The following NUP210L variants were observed in gnomAD, a reference collection of about 807,000 sequenced individuals.
NUP210L encodes the protein nuclear pore membrane glycoprotein 210-like.
NUP210L carries 74 observed loss-of-function variants against 208.5 expected under a neutral mutation model. The ratio of observed to expected loss-of-function variants is 0.35; its 90% confidence interval spans 0.29 to 0.43. NUP210L has a LOEUF of 0.43. Ranked by LOEUF, NUP210L falls within the 20% of genes least tolerant of loss-of-function variation. The pLI is 1.00. For missense variants in NUP210L, 1,843 were observed against 2,289.4 expected (o/e 0.81, Z 3.98); for synonymous variants, 780 against 816.9 (o/e 0.95, Z 0.77).
exon 32 of NUP210L, chr1:154,022,232 C>T: frequency 2.1e-5 from 34 of 1,614,124 alleles, no homozygotes; most frequent in Non-Finnish European, 2.6e-5. Flanking sequence ...TATAATCTGC[C>T]ATGCCTGGAT....
chr1:154,004,486 G>C (rs1207696189), intron 35 of NUP210L, among the ~76,000 whole-genome samples: 1 of 151,992 alleles, frequency 6.6e-6, no homozygotes, highest in African/African-American at 2.4e-5. Flanking sequence ...TCCTGCCTCA[G>C]CCTCCCACGT....
At chr1:154,029,374 T>TC (rs1362107236) in intron 28 of NUP210L, among the ~76,000 whole-genome samples, 1 of 32,120 alleles carries the variant, frequency 3.1e-5, no homozygotes, top group Non-Finnish European at 4.9e-5. Context: ...CAAGACTGTC[T>TC]CAAAAAAAAA....
intron 25 of NUP210L, among the ~76,000 whole-genome samples, chr1:154,053,872 C>T (rs1326146031): frequency 6.6e-6 from 1 of 152,176 alleles, no homozygotes; most frequent in African/African-American, 2.4e-5. Flanking sequence ...TCCTCTAGTG[C>T]TGCTGGGTTA....
chr1:154,103,447 C>G (rs1016563960), intron 13 of NUP210L, among the ~76,000 whole-genome samples: 4 of 150,032 alleles, frequency 2.7e-5, no homozygotes, highest in Non-Finnish European at 4.4e-5. Context: ...CCGAGGCGGG[C>G]GGATCACGAG....
intron 8 of NUP210L, among the ~76,000 whole-genome samples, chr1:154,129,000 G>A (rs1306461437): frequency 6.6e-6 from 1 of 152,182 alleles, no homozygotes; most frequent in African/African-American, 2.4e-5. Context: ...TGGCCTATGA[G>A]CGTTAAGATT....
At chr1:154,088,760 T>A (rs1046015534) in intron 16 of NUP210L, among the ~76,000 whole-genome samples, 1 of 152,212 alleles carries the variant, frequency 6.6e-6, no homozygotes, top group African/African-American at 2.4e-5. Context: ...GGTTTTCTCA[T>A]CCAGAAAATG....
At chr1:154,107,643 A>C (rs1018445509) in intron 12 of NUP210L, among the ~76,000 whole-genome samples, 1 of 152,158 alleles carries the variant, frequency 6.6e-6, no homozygotes, top group African/African-American at 2.4e-5. Flanking sequence ...AGGTGGGTGG[A>C]TTACTTGAGG....
At chr1:154,071,301 T>A (rs1654714207) in intron 16 of NUP210L, among the ~76,000 whole-genome samples, 1 of 151,884 alleles carries the variant, frequency 6.6e-6, no homozygotes, top group Admixed American at 6.6e-5. Context: ...TTTTTAAATT[T>A]TTTTATGTCC....
rs139999312 is a variant in NUP210L at position 154,149,952 on chromosome 1, T to C, written c.340+2784A>G. ...ACCTAAAATTATGCTCTCAGCCGGG[T>C]GTGGTTGGCTCATGGCTATAATCCC... is the stretch of plus-strand genomic sequence containing the variant. On this transcript the variant is annotated intron_variant, in intron 2 of 39. Coordinates refer to ENST00000368559, the Ensembl canonical transcript of NUP210L. Among the ~76,000 whole-genome samples, 79 of 152,296 alleles carry C rather than the reference T, an allele frequency of 5.2e-4. 1 individual carries two copies. Among genetic ancestry groups the C allele is most frequent in the African/African-American group, 1.8e-3 (75 of 41,558 alleles).
chr1:154,001,658 G>T, intron 36 of NUP210L, 77 bp downstream of exon 36: 8 of 1,450,612 alleles, frequency 5.5e-6, no homozygotes, highest in Non-Finnish European at 7.6e-6. Context: ...AACTTCTTTT[G>T]CCCTTGAAGT....
rs543604594 is a variant in NUP210L at position 154,104,864 on chromosome 1, A to G, written c.1621-654T>C. ...CTTGAAGCCAGTGGACCTGGGATGC[A>G]TATGACCTAGTGAGACACCTGCTGG... On this transcript the variant is annotated intron_variant, in intron 12 of 39. Coordinates refer to ENST00000368559, the Ensembl canonical transcript of NUP210L. Among the ~76,000 whole-genome samples the G allele has an allele frequency of 1.4e-4, 22 of 152,038 alleles. No individual in the cohort carries two copies. The South Asian group carries it at 4.6e-3, about 32-fold the overall frequency.
rs1420748054 is a variant in NUP210L at position 154,054,224 on chromosome 1, A to G, written c.3483+4T>C. The G allele has an allele frequency of 6.2e-7, 1 of 1,614,018 alleles. No homozygotes were observed. The highest frequency in any genetic ancestry group is 1.1e-5 in the South Asian group (1 of 91,082). On this transcript the variant is annotated splice_donor_region_variant and intron_variant, in intron 25 of 39. Coordinates refer to ENST00000368559, the Ensembl canonical transcript of NUP210L. ...AGAAGCAGAGCAGAGCAAATAACCA[A>G]TACCTGAGAAAACACAATGACTTTG...
At chr1:154,042,042 AT>A (rs1652911057) in intron 27 of NUP210L, among the ~76,000 whole-genome samples, 1 of 152,024 alleles carries the variant, frequency 6.6e-6, no homozygotes, top group African/African-American at 2.4e-5. Context: ...CAATGTTGGC[AT>A]TTCCACAGTG....
At position 154,152,646 on chromosome 1, in the gene NUP210L, C is replaced by G. The variant is rs527761014; in HGVS notation, c.340+90G>C. ...TTATTCTCCCTTTGATCATTTGAAGCCAACACCATTTGTGTTAACTATCTA... is the reference window on the plus strand; with the variant it reads ...TTATTCTCCCTTTGATCATTTGAAGGCAACACCATTTGTGTTAACTATCTA... On this transcript the variant is annotated intron_variant, in intron 2 of 39. Coordinates refer to ENST00000368559, the Ensembl canonical transcript of NUP210L. 48 of 1,163,930 alleles carry G rather than the reference C, an allele frequency of 4.1e-5. 1 individual carries two copies. The African/African-American group carries it at 6.9e-4, about 17-fold the overall frequency. The allele number at this position is 1,163,930 out of a possible 1,614,324, so 72.1% of individuals were successfully genotyped here.
intron 37 of NUP210L, among the ~76,000 whole-genome samples, chr1:153,996,425 ATTTTC>A (rs753215180): frequency 3.9e-4 from 59 of 151,980 alleles, no homozygotes; most frequent in Non-Finnish European, 6.8e-4. Context: ...ATCTTGAAAC[ATTTTC>A]TTTTCATTTT....
At chr1:154,136,622 G>C (rs992947739) in intron 6 of NUP210L, among the ~76,000 whole-genome samples, 6 of 151,536 alleles carry the variant, frequency 4.0e-5, no homozygotes, top group African/African-American at 1.5e-4. Context: ...TACTTTAAAA[G>C]CTCAATGTAA....
At chr1:154,121,360 C>T (rs914936616) in intron 10 of NUP210L, among the ~76,000 whole-genome samples, 7 of 152,046 alleles carry the variant, frequency 4.6e-5, no homozygotes, top group Admixed American at 6.6e-5. Context: ...GAACCCAGAA[C>T]GAATTTGGAG....
At chr1:154,012,070 CCTT>C (rs1650959535) in intron 34 of NUP210L, among the ~76,000 whole-genome samples, 171 bp downstream of exon 34, 4 of 152,070 alleles carry the variant, frequency 2.6e-5, no homozygotes, top group Admixed American at 2.6e-4. Context: ...TATTTTAAAA[CCTT>C]AGTCTAGTCA....
At chr1:154,092,367 C>T (rs1655968556) in intron 15 of NUP210L, among the ~76,000 whole-genome samples, 1 of 150,170 alleles carries the variant, frequency 6.7e-6, no homozygotes, top group South Asian at 2.1e-4. Flanking sequence ...GCGTTAGCCA[C>T]CGCGCCCGGC....
Sources: allele counts gnomAD v4.1 joint callset (sites outside exome capture counted in the v4.1 genomes callset), GRCh38; gene constraint gnomAD v4.1.1; transcripts MANE v1.5; gene names NCBI Gene and HGNC (gene_info 2026-07-23, HGNC 2026-07-21).